The following ITGA9 variants were observed in gnomAD, a reference collection of about 807,000 sequenced individuals.
ITGA9 encodes the protein integrin alpha-9.
Under a neutral mutation model 127.8 loss-of-function variants are expected in ITGA9, and 56 were observed. The ratio of observed to expected loss-of-function variants is 0.44; its 90% CI spans 0.35 to 0.55. The LOEUF (loss-of-function observed/expected upper bound fraction) is 0.55. Among genes scored for constraint, ITGA9 ranks in the 20% least tolerant of loss-of-function variants. ITGA9 has a pLI of 0.00. For synonymous variants in ITGA9, 508 were observed against 514.5 expected (o/e 0.99, Z 0.17); for missense variants, 1,196 against 1,347.1 (o/e 0.89, Z 1.76).
chr3:37,673,722 G>C (rs1465868975), intron 17 of ITGA9, among the ~76,000 whole-genome samples: 1 of 152,176 alleles, frequency 6.6e-6, no homozygotes, highest in East Asian at 1.9e-4. Context: ...CATGGGTTCT[G>C]CTTTCCTCTC....
At chr3:37,623,363 G>A (rs1372703853) in intron 15 of ITGA9, among the ~76,000 whole-genome samples, 1 of 152,170 alleles carries the variant, frequency 6.6e-6, no homozygotes, top group African/African-American at 2.4e-5. Context: ...TCTTCACAGA[G>A]TCATAAGACT....
chr3:37,559,499 G>A lies in ITGA9; in HGVS notation c.1689+16914G>A, dbSNP rs1461221750. Among the ~76,000 whole-genome samples, 7 of 152,204 alleles carry A rather than the reference G, an allele frequency of 4.6e-5. 1 individual carries two copies. In the South Asian group the frequency reaches 1.4e-3, roughly 32 times the overall value. Reference sequence around the variant, plus strand: ...CGCAAATGCATCAGAAGAGTCCTCTGTAAATCCACTGAGCTGGAATTTCCA... The same window carrying A: ...CGCAAATGCATCAGAAGAGTCCTCTATAAATCCACTGAGCTGGAATTTCCA... On this transcript the variant is annotated intron_variant, in intron 15 of 27. Coordinates refer to ENST00000264741, the MANE Select transcript of ITGA9 (RefSeq NM_002207.3).
intron 18 of ITGA9, among the ~76,000 whole-genome samples, chr3:37,717,395 T>C (rs1391315113): frequency 6.6e-6 from 1 of 152,228 alleles, no homozygotes; most frequent in African/African-American, 2.4e-5. Flanking sequence ...TATGTGTTTG[T>C]ATTAGTCCGT....
chr3:37,762,055 C>T (rs1416751104), intron 23 of ITGA9, among the ~76,000 whole-genome samples: 1 of 152,150 alleles, frequency 6.6e-6, no homozygotes, highest in Non-Finnish European at 1.5e-5. Context: ...GGGTAACCAC[C>T]TTTTATTTCT....
chr3:37,471,632 C>T (rs1198121689), intron 2 of ITGA9, among the ~76,000 whole-genome samples: 5 of 152,278 alleles, frequency 3.3e-5, no homozygotes, highest in East Asian at 1.9e-4. Flanking sequence ...GGCCAGGCCA[C>T]GTGGGGCCTA....
chr3:37,785,906 G>A (rs1697035202), intron 26 of ITGA9, among the ~76,000 whole-genome samples: 1 of 152,192 alleles, frequency 6.6e-6, no homozygotes, highest in Non-Finnish European at 1.5e-5. Context: ...AGAGACACGG[G>A]AGGGTGTGGC....
intron 18 of ITGA9, among the ~76,000 whole-genome samples, chr3:37,727,877 C>T (rs1696234395): frequency 6.6e-6 from 1 of 152,212 alleles, no homozygotes; most frequent in South Asian, 2.1e-4. Context: ...ACTGATCTAA[C>T]TCTGCCAGAT....
rs1425893360 is a variant in ITGA9 at position 37,736,986 on chromosome 3, A to G, written c.2234+3A>G. 39 of 1,596,782 alleles carry G rather than the reference A, an allele frequency of 2.4e-5. No homozygotes were observed. Among genetic ancestry groups the G allele is most frequent in the Non-Finnish European group, 3.3e-5 (38 of 1,164,516 alleles). On this transcript the variant is annotated splice_donor_region_variant and intron_variant, in intron 20 of 27. Coordinates refer to ENST00000264741, the MANE Select transcript of ITGA9 (RefSeq NM_002207.3). ...AGCTTCATTGTTACTGCTCAGAGGT[A>G]AGGGGGGGGTTTAAACACTTTTTTC...
At chr3:37,534,916 G>A (rs1281447335) in intron 14 of ITGA9, among the ~76,000 whole-genome samples, 4 of 152,184 alleles carry the variant, frequency 2.6e-5, no homozygotes, top group Non-Finnish European at 4.4e-5. Context: ...ACAGTCTTAA[G>A]GAAAAAAGCT....
chr3:37,720,844 T>C (rs1456560902), intron 18 of ITGA9, among the ~76,000 whole-genome samples: 1 of 152,222 alleles, frequency 6.6e-6, no homozygotes, highest in East Asian at 1.9e-4. Context: ...GCAGGGTTGA[T>C]TCACCGCACT....
chr3:37,627,279 C>G (rs1340509204), intron 15 of ITGA9, among the ~76,000 whole-genome samples: 2 of 152,146 alleles, frequency 1.3e-5, no homozygotes, highest in Non-Finnish European at 2.9e-5. Flanking sequence ...TCATCTGTCC[C>G]CTTTGCCTGG....
At chr3:37,600,783 C>T (rs1012121277) in intron 15 of ITGA9, among the ~76,000 whole-genome samples, 1 of 152,204 alleles carries the variant, frequency 6.6e-6, no homozygotes, top group African/African-American at 2.4e-5. Context: ...ACATCCTCCT[C>T]CCATCGGTAT....
intron 2 of ITGA9, among the ~76,000 whole-genome samples, chr3:37,471,981 G>GAGGTCA (rs1698436296): frequency 6.6e-6 from 1 of 152,192 alleles, no homozygotes; most frequent in African/African-American, 2.4e-5. Flanking sequence ...TTGAACCCAG[G>GAGGTCA]AGGTCAAGGG....
intron 15 of ITGA9, among the ~76,000 whole-genome samples, chr3:37,566,746 G>A (rs1223152161): frequency 6.6e-6 from 1 of 151,378 alleles, no homozygotes; most frequent in African/African-American, 2.5e-5. Context: ...GGAATTGACT[G>A]TCTCATGAAA....
At chr3:37,741,240 C>G (rs983127117) in intron 20 of ITGA9, among the ~76,000 whole-genome samples, 9 of 152,230 alleles carry the variant, frequency 5.9e-5, no homozygotes, top group Non-Finnish European at 1.2e-4. Context: ...AGCCCACTCA[C>G]TTGCCTGACA....
At chr3:37,666,090 C>T (rs769726080) in intron 17 of ITGA9, among the ~76,000 whole-genome samples, 17 of 152,206 alleles carry the variant, frequency 1.1e-4, no homozygotes, top group Non-Finnish European at 1.3e-4. Flanking sequence ...CATCACAATG[C>T]TCCCAGTCTA....
intron 23 of ITGA9, among the ~76,000 whole-genome samples, chr3:37,763,070 C>T (rs938098182): frequency 7.2e-5 from 11 of 152,172 alleles, no homozygotes; most frequent in Non-Finnish European, 1.2e-4. Flanking sequence ...AAATACTTTG[C>T]GCCCAGCATA....
At chr3:37,615,480 TA>T (rs1232534243) in intron 15 of ITGA9, among the ~76,000 whole-genome samples, 1 of 152,246 alleles carries the variant, frequency 6.6e-6, no homozygotes, top group East Asian at 1.9e-4. Flanking sequence ...GCTGGCCTCA[TA>T]AAATGAATTG....
chr3:37,792,580 G>T (rs1161674539), intron 26 of ITGA9, among the ~76,000 whole-genome samples: 1 of 152,210 alleles, frequency 6.6e-6, no homozygotes. Flanking sequence ...CAGGAAGCTG[G>T]TTAGCAGTGA....
Sources: allele counts gnomAD v4.1 joint callset (sites outside exome capture counted in the v4.1 genomes callset), GRCh38; gene constraint gnomAD v4.1.1; transcripts MANE v1.5; gene names NCBI Gene and HGNC (gene_info 2026-07-23, HGNC 2026-07-21).